ZC3H12B: variants seen among roughly 807,000 people sequenced by gnomAD.
ZC3H12B encodes the protein zinc finger CCCH-type containing 12B, also known as probable ribonuclease ZC3H12B.
A neutral mutation model predicts 43.9 loss-of-function variants in ZC3H12B; 7 were observed. That is an observed-to-expected ratio of 0.16 (90% confidence interval 0.09 to 0.30). ZC3H12B has a LOEUF of 0.30. ZC3H12B is among the 10% of genes least tolerant of loss of function. ZC3H12B has a pLI of 1.00. For synonymous variants in ZC3H12B, 222 were observed against 241.7 expected, an observed-to-expected ratio of 0.92 and a Z score of 0.76; for missense variants, 475 against 670.2, an observed-to-expected ratio of 0.71 and a Z score of 3.22.
chrX:65,253,614 C>A, the ZC3H12B span, among the ~76,000 whole-genome samples: 4 of 106,265 alleles, frequency 3.8e-5, no homozygotes, highest in South Asian at 7.6e-4. Flanking sequence ...GAGATGTGAC[C>A]CCTTCTACCT....
Position 65,453,359 on chromosome X carries a change from CATATATATATAT to C in ZC3H12B, n.408-35253_408-35242del, listed in dbSNP as rs1159840122. 9.6e-3 allele frequency among the ~76,000 whole-genome samples: 262 copies of C among 27,172 alleles called. 4 individuals carry two copies. Among genetic ancestry groups the C allele is most frequent in the African/African-American group, 0.029 (228 of 7,801 alleles). The allele number at this position is 27,172 out of a possible 115,157, so 23.6% of individuals were successfully genotyped here. Reference sequence around the variant, plus strand: ...CAATAATATGGAACCAGCTCAAATGCATATATATATATATATATATATATATATATATATATA... The same window carrying C: ...CAATAATATGGAACCAGCTCAAATGCATATATATATATATATATATATATA... On this transcript the variant is annotated intron_variant and non_coding_transcript_variant, in intron 3 of 5. Transcript: ENST00000617377.
chrX:65,298,062 G>A, the ZC3H12B span, among the ~76,000 whole-genome samples: 1 of 111,684 alleles, frequency 9.0e-6, no homozygotes, highest in African/African-American at 3.3e-5. Context: ...AGATAATATG[G>A]GAAAATCCCG....
intron 3 of ZC3H12B, among the ~76,000 whole-genome samples, chrX:65,418,410 C>G (rs1019542260): frequency 1.8e-5 from 2 of 111,535 alleles, no homozygotes; most frequent in Admixed American, 1.9e-4. Context: ...TATTCTTGAG[C>G]TCTGTCACTA....
At chrX:65,069,673 T>A in the ZC3H12B span, among the ~76,000 whole-genome samples, 5 of 112,096 alleles carry the variant, frequency 4.5e-5, no homozygotes, top group East Asian at 1.1e-3. Flanking sequence ...TGTTGAATTT[T>A]ATTGAAAGCC....
chrX:65,178,620 C>A, the ZC3H12B span, among the ~76,000 whole-genome samples: 1 of 112,459 alleles, frequency 8.9e-6, no homozygotes, highest in Non-Finnish European at 1.9e-5. Flanking sequence ...AGACACTTCT[C>A]AAAATAAGAC....
the ZC3H12B span, among the ~76,000 whole-genome samples, chrX:65,190,021 T>G: frequency 2.7e-5 from 3 of 111,492 alleles, no homozygotes; most frequent in African/African-American, 6.6e-5. Flanking sequence ...CATATGGCTA[T>G]CCAGTTTCCC....
chrX:65,469,464 G>A (rs772039700), intron 3 of ZC3H12B: 13 of 407,569 alleles, frequency 3.2e-5, no homozygotes, highest in African/African-American at 5.0e-5. Flanking sequence ...CATGCTCTTC[G>A]AGCTCACTGG....
intron 2 of ZC3H12B, among the ~76,000 whole-genome samples, chrX:65,375,521 C>T (rs772713055): frequency 1.1e-3 from 127 of 111,736 alleles, no homozygotes; most frequent in Non-Finnish European, 2.1e-3. Flanking sequence ...CTCATGGCTG[C>T]GAAAGAGACA....
the ZC3H12B span, among the ~76,000 whole-genome samples, chrX:65,214,314 T>G: frequency 2.8e-4 from 31 of 111,940 alleles, no homozygotes; most frequent in Non-Finnish European, 2.4e-4. Context: ...TGATGCTGTT[T>G]GATAGCAGTT....
chrX:65,064,789 C>T, the ZC3H12B span, among the ~76,000 whole-genome samples: 5 of 111,529 alleles, frequency 4.5e-5, no homozygotes, highest in East Asian at 5.6e-4. Context: ...GTCTCTTTTT[C>T]GTTCTCTTAG....
At chrX:65,100,102 A>G in the ZC3H12B span, among the ~76,000 whole-genome samples, 1 of 111,885 alleles carries the variant, frequency 8.9e-6, no homozygotes, top group Non-Finnish European at 1.9e-5. Flanking sequence ...AGAAGTATCA[A>G]TAGCCGAATT....
chrX:65,309,114 C>T, the ZC3H12B span, among the ~76,000 whole-genome samples: 1 of 107,624 alleles, frequency 9.3e-6, no homozygotes, highest in Admixed American at 1.0e-4. Flanking sequence ...CAAAAGCTAG[C>T]AGAAGGCAAG....
At chrX:65,329,587 C>T in the ZC3H12B span, among the ~76,000 whole-genome samples, 2 of 107,941 alleles carry the variant, frequency 1.9e-5, no homozygotes, top group East Asian at 2.8e-4. Flanking sequence ...TCTTTTGTTG[C>T]CATTGCTTTT....
At chrX:65,101,972 G>A in the ZC3H12B span, among the ~76,000 whole-genome samples, 1 of 112,028 alleles carries the variant, frequency 8.9e-6, no homozygotes, top group African/African-American at 3.2e-5. Context: ...GAACATCGAG[G>A]CAAATATCTT....
At chrX:65,345,264 C>A in the ZC3H12B span, among the ~76,000 whole-genome samples, 9 of 111,941 alleles carry the variant, frequency 8.0e-5, no homozygotes, top group African/African-American at 2.9e-4. Flanking sequence ...CATTGCAGCA[C>A]TATTCACAAT....
At chrX:65,247,323 G>A in the ZC3H12B span, among the ~76,000 whole-genome samples, 1 of 112,322 alleles carries the variant, frequency 8.9e-6, no homozygotes, top group Non-Finnish European at 1.9e-5. Flanking sequence ...CTGGAAGACA[G>A]TGTGGTGATT....
At chrX:65,113,222 A>T in the ZC3H12B span, among the ~76,000 whole-genome samples, 1 of 111,934 alleles carries the variant, frequency 8.9e-6, no homozygotes, top group Non-Finnish European at 1.9e-5. Context: ...ACGGATGAAG[A>T]GTTGCTTCTT....
At chrX:65,328,316 A>G in the ZC3H12B span, 2 of 246,768 alleles carry the variant, frequency 8.1e-6, no homozygotes, top group Non-Finnish European at 8.1e-6. Flanking sequence ...TAACTTCATT[A>G]ACGGCATAGT....
At chrX:65,158,953 G>A in the ZC3H12B span, among the ~76,000 whole-genome samples, 1 of 111,753 alleles carries the variant, frequency 8.9e-6, no homozygotes, top group African/African-American at 3.3e-5. Context: ...TTTTGTATAA[G>A]GTGTAAGGAA....
Sources: allele counts gnomAD v4.1 joint callset (sites outside exome capture counted in the v4.1 genomes callset), GRCh38; gene constraint gnomAD v4.1.1; transcripts MANE v1.5; gene names NCBI Gene and HGNC (gene_info 2026-07-23, HGNC 2026-07-21).